Variants in TCF7L1 observed in about 807,000 individuals in gnomAD.
The protein encoded by TCF7L1 is transcription factor 7-like 1.
A neutral mutation model predicts 63.7 loss-of-function variants in TCF7L1; 18 were observed. The ratio of observed to expected loss-of-function variants is 0.28; its 90% CI spans 0.20 to 0.42. The LOEUF is 0.42. TCF7L1 is among the 10% of genes least tolerant of loss of function. The probability of loss-of-function intolerance (pLI) is 1.00; values close to 1 mark genes in which losing one functional copy is unlikely to be tolerated. For missense variants in TCF7L1, 654 were observed against 779.3 expected (o/e 0.84, Z 1.91); for synonymous variants, 355 against 340.9 (o/e 1.04, Z -0.46).
chr2:85,283,786 T>G (rs1419579923), intron 4 of TCF7L1, among the ~76,000 whole-genome samples: 1 of 152,166 alleles, frequency 6.6e-6, no homozygotes, highest in African/African-American at 2.4e-5. Flanking sequence ...TGTTTTGTAA[T>G]TGGAATAGCC....
chr2:85,299,104 T>C (rs1432251293), intron 4 of TCF7L1, among the ~76,000 whole-genome samples: 1 of 145,786 alleles, frequency 6.9e-6, no homozygotes, highest in Non-Finnish European at 1.5e-5. Context: ...CAATTACTTT[T>C]GCACCAACCT....
intron 3 of TCF7L1, among the ~76,000 whole-genome samples, chr2:85,157,058 G>A (rs1328640466): frequency 2.0e-5 from 3 of 151,926 alleles, no homozygotes; most frequent in Non-Finnish European, 4.4e-5. Flanking sequence ...GAGAATCCCT[G>A]GTGTACATAT....
intron 3 of TCF7L1, among the ~76,000 whole-genome samples, chr2:85,152,616 G>A (rs980898108): frequency 2.0e-5 from 3 of 151,266 alleles, no homozygotes; most frequent in African/African-American, 7.3e-5. Flanking sequence ...CGTAGTTTTA[G>A]TAGAGACAGG....
chr2:85,207,940 TCTGTCGCCCAGG>T (rs1313078527), intron 3 of TCF7L1, among the ~76,000 whole-genome samples: 2 of 152,090 alleles, frequency 1.3e-5, no homozygotes, highest in East Asian at 3.9e-4. Flanking sequence ...AGAGTCTTGC[TCTGTCGCCCAGG>T]CTGGAGTTCA....
At chr2:85,294,046 T>TTTTTTTC (rs1681788588) in intron 4 of TCF7L1, among the ~76,000 whole-genome samples, 1 of 86,356 alleles carries the variant, frequency 1.2e-5, no homozygotes, top group Non-Finnish European at 2.8e-5. Flanking sequence ...TTTTTTTTTT[T>TTTTTTTC]TTTTTTTTGA....
chr2:85,179,316 C>G (rs758160124), intron 3 of TCF7L1, among the ~76,000 whole-genome samples: 72 of 152,324 alleles, frequency 4.7e-4, no homozygotes, highest in Non-Finnish European at 7.3e-4. Flanking sequence ...GAATAGTTCT[C>G]AAATGCATCC....
chr2:85,167,928 C>T (rs371252284), intron 3 of TCF7L1, among the ~76,000 whole-genome samples: 169 of 152,270 alleles, frequency 1.1e-3, no homozygotes, highest in African/African-American at 3.4e-3. Flanking sequence ...ACCTGGAGGA[C>T]ATCATGCTAA....
chr2:85,146,497 C>CTTTTTTTTTTTTT (rs554058692), intron 3 of TCF7L1, among the ~76,000 whole-genome samples: 23 of 103,606 alleles, frequency 2.2e-4, no homozygotes, highest in Non-Finnish European at 3.2e-4. Flanking sequence ...TTCTTTCTTT[C>CTTTTTTTTTTTTT]TTTTTTTTTT....
intron 3 of TCF7L1, among the ~76,000 whole-genome samples, chr2:85,265,933 C>A (rs373404122): frequency 1.3e-5 from 2 of 152,156 alleles, no homozygotes; most frequent in Non-Finnish European, 2.9e-5. Flanking sequence ...CAACTCACCT[C>A]TTAGTGTATA....
intron 3 of TCF7L1, among the ~76,000 whole-genome samples, chr2:85,161,626 G>A (rs965528175): frequency 1.4e-4 from 22 of 152,200 alleles, no homozygotes; most frequent in African/African-American, 5.1e-4. Flanking sequence ...AGGTTAACAC[G>A]TGAAGCTCAA....
chr2:85,259,885 AG>A (rs1341429385), intron 3 of TCF7L1, among the ~76,000 whole-genome samples: 1 of 152,200 alleles, frequency 6.6e-6, no homozygotes, highest in Non-Finnish European at 1.5e-5. Flanking sequence ...TGGACCCTGC[AG>A]AAGCTTCCGA....
intron 4 of TCF7L1, among the ~76,000 whole-genome samples, chr2:85,291,560 AGTTTTGGTTTTGGTTTTG>A (rs112277726): frequency 3.0e-5 from 4 of 134,870 alleles, no homozygotes; most frequent in South Asian, 4.5e-4. Context: ...TTTTGGTTTT[AGTTTTGGTTTTGGTTTTG>A]GTTTTGGTTT....
At chr2:85,170,535 C>G (rs1678523582) in intron 3 of TCF7L1, among the ~76,000 whole-genome samples, 1 of 152,176 alleles carries the variant, frequency 6.6e-6, no homozygotes, top group African/African-American at 2.4e-5. Flanking sequence ...TCCTTGGTTC[C>G]TTTTGCCACT....
chr2:85,148,967 T>C (rs1003236482), intron 3 of TCF7L1, among the ~76,000 whole-genome samples: 16 of 151,848 alleles, frequency 1.1e-4, no homozygotes, highest in South Asian at 6.2e-4. Context: ...TTAGTAGAGA[T>C]GGGGTTTCAC....
At chr2:85,158,075 A>G (rs139803330) in intron 3 of TCF7L1, among the ~76,000 whole-genome samples, 1 of 152,278 alleles carries the variant, frequency 6.6e-6, no homozygotes, top group Non-Finnish European at 1.5e-5. Context: ...GCTCCTGGGA[A>G]GGTCAGCTTT....
Position 85,176,225 on chromosome 2 carries a change from C to G in TCF7L1, c.441+41775C>G, listed in dbSNP as rs146932581. Among the ~76,000 whole-genome samples the G allele has an allele frequency of 6.0e-3, 906 of 152,214 alleles. 11 individuals carry two copies. Among genetic ancestry groups the G allele is most frequent in the African/African-American group, 0.02 (849 of 41,502 alleles). ...GTGTAGCTCTCGTGCAGCAGCAGTC[C>G]AGGCCCTGGGACATCTGAGTTTGAG... On this transcript the variant is annotated intron_variant, in intron 3 of 11. Coordinates refer to ENST00000282111, the MANE Select transcript of TCF7L1 (RefSeq NM_031283.3).
intron 3 of TCF7L1, among the ~76,000 whole-genome samples, chr2:85,153,340 A>ATATTTTTTTTTTTTTTTTT (rs750002994): frequency 2.9e-5 from 3 of 102,308 alleles, no homozygotes; most frequent in African/African-American, 8.4e-5. Flanking sequence ...GCCTTTATAA[A>ATATTTTTTTTTTTTTTTTT]TTTTTTTTTT....
chr2:85,152,344 G>A (rs1054273418), intron 3 of TCF7L1, among the ~76,000 whole-genome samples: 7 of 152,078 alleles, frequency 4.6e-5, no homozygotes, highest in Admixed American at 1.3e-4. Flanking sequence ...AAGCAGTTCT[G>A]TAGCGACTAG....
chr2:85,154,004 T>C (rs1209042186), intron 3 of TCF7L1, among the ~76,000 whole-genome samples: 1 of 152,248 alleles, frequency 6.6e-6, no homozygotes, highest in Admixed American at 6.5e-5. Context: ...TGGTTGTTCA[T>C]TTTTATTTTG....
Sources: allele counts gnomAD v4.1 joint callset (sites outside exome capture counted in the v4.1 genomes callset), GRCh38; gene constraint gnomAD v4.1.1; transcripts MANE v1.5; gene names NCBI Gene and HGNC (gene_info 2026-07-23, HGNC 2026-07-21).